NBAS: variants seen among roughly 807,000 people sequenced by gnomAD.
NBAS encodes the protein NAG/BC035112 fusion.
NBAS carries 219 observed loss-of-function variants against 302.5 expected under a neutral mutation model. The ratio of observed to expected loss-of-function variants is 0.72; its 90% CI spans 0.65 to 0.81. NBAS has a LOEUF of 0.81. Ranked by LOEUF, NBAS falls within the 30% of genes least tolerant of loss-of-function variation. The probability of loss-of-function intolerance (pLI) is 0.00; values close to 1 mark genes in which losing one functional copy is unlikely to be tolerated. For missense variants in NBAS, 2,932 were observed against 2,841.6 expected (o/e 1.03, Z -0.72); for synonymous variants, 1,118 against 1,021.6 (o/e 1.09, Z -1.80).
the NBAS span, among the ~76,000 whole-genome samples, chr2:14,789,025 G>T: frequency 6.6e-6 from 1 of 152,344 alleles, no homozygotes; most frequent in East Asian, 1.9e-4. Flanking sequence ...CCTAAGCAAG[G>T]CTGGGCAATG....
intron 21 of NBAS, among the ~76,000 whole-genome samples, chr2:15,448,394 C>T (rs991868554): frequency 6.6e-6 from 1 of 152,172 alleles, no homozygotes; most frequent in Admixed American, 6.5e-5. Context: ...GTATCGCTTA[C>T]GTTACTTAAT....
At chr2:15,193,921 A>G (rs1273058285) in intron 48 of NBAS, among the ~76,000 whole-genome samples, 1 of 152,132 alleles carries the variant, frequency 6.6e-6, no homozygotes, top group Non-Finnish European at 1.5e-5. Flanking sequence ...AATTCTGAAG[A>G]GTGGTAAAAA....
the NBAS span, among the ~76,000 whole-genome samples, chr2:14,920,589 G>A: frequency 1.3e-5 from 2 of 152,172 alleles, no homozygotes; most frequent in African/African-American, 4.8e-5. Flanking sequence ...CTGGTGTTTA[G>A]TGTAGCCACC....
At chr2:15,443,706 T>C (rs1678567733) in intron 21 of NBAS, among the ~76,000 whole-genome samples, 2 of 150,802 alleles carry the variant, frequency 1.3e-5, no homozygotes, top group Admixed American at 1.3e-4. Context: ...AAAGAGGAAG[T>C]CAAATTGTCC....
the NBAS span, among the ~76,000 whole-genome samples, chr2:14,987,818 G>A: frequency 1.2e-4 from 19 of 152,112 alleles, no homozygotes; most frequent in African/African-American, 1.9e-4. Context: ...GGGAATTTGC[G>A]TAGGGAAATA....
the NBAS span, among the ~76,000 whole-genome samples, chr2:15,050,906 T>C: frequency 6.6e-6 from 1 of 152,112 alleles, no homozygotes; most frequent in East Asian, 1.9e-4. Context: ...GAGAGAATGA[T>C]AGAAATGCAA....
chr2:15,492,290 T>C (rs1680889396), intron 11 of NBAS, among the ~76,000 whole-genome samples: 1 of 152,170 alleles, frequency 6.6e-6, no homozygotes, highest in East Asian at 1.9e-4. Context: ...ATGCATTTCT[T>C]TGAAGTCCCA....
At chr2:15,353,980 T>C (rs148449713) in intron 33 of NBAS, among the ~76,000 whole-genome samples, 1 of 152,308 alleles carries the variant, frequency 6.6e-6, no homozygotes, top group East Asian at 1.9e-4. Flanking sequence ...TAAATGCAAA[T>C]GATCTACTGA....
intron 39 of NBAS, 34 bp downstream of exon 39, chr2:15,309,137 A>G (rs917351664): frequency 6.4e-7 from 1 of 1,560,072 alleles, no homozygotes; most frequent in African/African-American, 1.4e-5. Flanking sequence ...CCATTTAGTC[A>G]TTTTAAATTC....
chr2:15,198,756 A>G (rs1665733644), intron 48 of NBAS, among the ~76,000 whole-genome samples: 1 of 152,178 alleles, frequency 6.6e-6, no homozygotes, highest in Non-Finnish European at 1.5e-5. Context: ...ACAAATGATA[A>G]TTTTGTCTAC....
chr2:15,014,081 T>C, the NBAS span, among the ~76,000 whole-genome samples: 1 of 152,064 alleles, frequency 6.6e-6, no homozygotes, highest in Non-Finnish European at 1.5e-5. Context: ...AATAAAGGGA[T>C]AGATTCAGTG....
the NBAS span, among the ~76,000 whole-genome samples, chr2:14,977,143 T>C: frequency 6.6e-6 from 1 of 152,244 alleles, no homozygotes; most frequent in South Asian, 2.1e-4. Flanking sequence ...CTTGTAGCAT[T>C]AGCCATAGCC....
the NBAS span, among the ~76,000 whole-genome samples, chr2:15,141,990 C>T: frequency 1.3e-5 from 2 of 152,292 alleles, no homozygotes; most frequent in Non-Finnish European, 2.9e-5. Flanking sequence ...TATTTAAAAA[C>T]AGTGTGAGTC....
chr2:15,412,843 C>T (rs969629206), intron 25 of NBAS, among the ~76,000 whole-genome samples: 1 of 152,104 alleles, frequency 6.6e-6, no homozygotes, highest in African/African-American at 2.4e-5. Flanking sequence ...TTTTCCAAAC[C>T]ACCGTTGACT....
the NBAS span, among the ~76,000 whole-genome samples, chr2:14,889,046 A>G: frequency 6.6e-5 from 10 of 152,274 alleles, no homozygotes; most frequent in East Asian, 1.9e-3. Context: ...AATCTCACCT[A>G]CTTCACTAAG....
chr2:15,234,689 A>G lies in NBAS; in HGVS notation c.6002T>C (p.Leu2001Pro). 6.2e-7 allele frequency: 1 copy of G among 1,614,152 alleles called. No individual in the cohort carries two copies. The highest frequency in any genetic ancestry group is 8.5e-7 in the Non-Finnish European group (1 of 1,180,006). ...ACAAATAGCCACAGCTTCATCATGA[A>G]GTTTCTCTTTTTCTGATCGGGACAG... ...YDLSRSEKEK[L>P]HDEAVAICLD... is the part of the protein sequence containing the mutation. Residue 2001 changes from leucine (L) to proline (P), a missense_variant, in exon 46 of 52, where the codon CTT becomes CCT. Physicochemically the swap from Leu to Pro is moderately conservative, Grantham distance 98. Transcript: ENST00000281513.
At chr2:15,115,370 T>A in the NBAS span, among the ~76,000 whole-genome samples, 1 of 152,246 alleles carries the variant, frequency 6.6e-6, no homozygotes, top group African/African-American at 2.4e-5. Flanking sequence ...TTAGATTTGA[T>A]TATTTAGGTA....
At chr2:15,355,806 G>A (rs1572709464) in intron 33 of NBAS, among the ~76,000 whole-genome samples, 2 of 152,178 alleles carry the variant, frequency 1.3e-5, no homozygotes, top group Admixed American at 1.3e-4. Flanking sequence ...GGCAGATGCT[G>A]CCCTACTTCC....
chr2:15,285,716 G>T (rs1262304811), intron 42 of NBAS, among the ~76,000 whole-genome samples: 1 of 152,034 alleles, frequency 6.6e-6, no homozygotes, highest in African/African-American at 2.4e-5. Context: ...GCAATGGCGC[G>T]ATCTCTGCTC....
Sources: allele counts gnomAD v4.1 joint callset (sites outside exome capture counted in the v4.1 genomes callset), GRCh38; gene constraint gnomAD v4.1.1; transcripts MANE v1.5; gene names NCBI Gene and HGNC (gene_info 2026-07-23, HGNC 2026-07-21).